GALNT13: variants seen among roughly 807,000 people sequenced by gnomAD.
The protein encoded by GALNT13 is polypeptide N-acetylgalactosaminyltransferase 13, also known as UDP-GalNAc:polypeptide N-acetylgalactosaminyltransferase 13.
In GALNT13, 28 loss-of-function variants were observed where a neutral mutation model predicts 64.2. The ratio of observed to expected loss-of-function variants is 0.44; its 90% CI spans 0.32 to 0.60. The LOEUF (loss-of-function observed/expected upper bound fraction) is 0.60, where lower values mean the gene tolerates loss of function less well. GALNT13 is among the 20% of genes least tolerant of loss of function. GALNT13 has a pLI of 0.05. For missense variants in GALNT13, 577 were observed against 669.8 expected, an observed-to-expected ratio of 0.86 and a Z score of 1.53; for synonymous variants, 214 against 224.6, an observed-to-expected ratio of 0.95 and a Z score of 0.42.
At chr2:153,826,814 C>T in the GALNT13 span, among the ~76,000 whole-genome samples, 3 of 152,134 alleles carry the variant, frequency 2.0e-5, no homozygotes, top group South Asian at 6.2e-4. Context: ...TAACTAGATA[C>T]ACTAATGCAA....
chr2:153,282,287 A>T, the GALNT13 span, among the ~76,000 whole-genome samples: 1 of 151,914 alleles, frequency 6.6e-6, no homozygotes, highest in Non-Finnish European at 1.5e-5. Flanking sequence ...ATTGTTTTAG[A>T]AGTTTCTTTG....
At chr2:153,747,221 A>G in the GALNT13 span, among the ~76,000 whole-genome samples, 1 of 152,042 alleles carries the variant, frequency 6.6e-6, no homozygotes, top group Non-Finnish European at 1.5e-5. Flanking sequence ...CTATCCAATT[A>G]CATTCCTATA....
chr2:154,411,249 C>T (rs1369108405), intron 11 of GALNT13, among the ~76,000 whole-genome samples: 1 of 151,274 alleles, frequency 6.6e-6, no homozygotes, highest in Non-Finnish European at 1.5e-5. Flanking sequence ...ATGTGCTCTA[C>T]AAGATCAATT....
chr2:154,099,622 C>T (rs558305238), intron 3 of GALNT13, among the ~76,000 whole-genome samples: 4 of 151,982 alleles, frequency 2.6e-5, no homozygotes, highest in Non-Finnish European at 5.9e-5. Flanking sequence ...AACTTTTGTT[C>T]TTCTGCATAT....
the GALNT13 span, among the ~76,000 whole-genome samples, chr2:153,239,846 G>C: frequency 0.34 from 51,841 of 151,932 alleles, 8,995 homozygotes; most frequent in Middle Eastern, 0.49. Context: ...CATAGAATGA[G>C]TTTGGAAGTA....
chr2:153,926,511 G>A (rs1690146293), intron 2 of GALNT13, among the ~76,000 whole-genome samples: 1 of 152,094 alleles, frequency 6.6e-6, no homozygotes, highest in Non-Finnish European at 1.5e-5. Context: ...AGAATGTGGA[G>A]TTTTAAAATA....
chr2:153,805,067 G>T, the GALNT13 span, among the ~76,000 whole-genome samples: 1 of 151,642 alleles, frequency 6.6e-6, no homozygotes, highest in East Asian at 1.9e-4. Context: ...TACATAGATT[G>T]ATATATATGA....
the GALNT13 span, among the ~76,000 whole-genome samples, chr2:153,225,301 TA>T: frequency 6.6e-6 from 1 of 152,318 alleles, no homozygotes; most frequent in South Asian, 2.1e-4. Context: ...AAAATTTTTT[TA>T]AAAGCCTCTT....
At chr2:153,611,679 CTTTTT>C in the GALNT13 span, among the ~76,000 whole-genome samples, 102 of 104,388 alleles carry the variant, frequency 9.8e-4, 1 homozygote, top group Non-Finnish European at 6.9e-4. Context: ...ACATTTTTAC[CTTTTT>C]TTTTTTTTTT....
intron 4 of GALNT13, among the ~76,000 whole-genome samples, chr2:154,216,706 T>G (rs1344594747): frequency 3.3e-5 from 5 of 151,772 alleles, no homozygotes; most frequent in Admixed American, 1.3e-4. Context: ...TCTGTCTGCA[T>G]ATAATAATTA....
At chr2:153,466,286 A>C in the GALNT13 span, among the ~76,000 whole-genome samples, 1 of 152,006 alleles carries the variant, frequency 6.6e-6, no homozygotes, top group Non-Finnish European at 1.5e-5. Context: ...GGGTTGTACT[A>C]AATAAATGTA....
chr2:153,854,775 T>C, the GALNT13 span, among the ~76,000 whole-genome samples: 9 of 152,062 alleles, frequency 5.9e-5, no homozygotes, highest in Non-Finnish European at 1.0e-4. Flanking sequence ...ATAAATAAAA[T>C]CAAGCAAATT....
the GALNT13 span, among the ~76,000 whole-genome samples, chr2:153,776,966 C>T: frequency 0.016 from 2,484 of 152,262 alleles, 73 homozygotes; most frequent in East Asian, 0.13. Flanking sequence ...GTGGTTCTAC[C>T]ATTTCTTGTC....
chr2:154,382,142 C>G (rs1698302008), intron 9 of GALNT13, among the ~76,000 whole-genome samples: 1 of 152,028 alleles, frequency 6.6e-6, no homozygotes, highest in African/African-American at 2.4e-5. Flanking sequence ...TCCTGCCTTC[C>G]CCTTCAGCTG....
At chr2:153,251,979 T>C in the GALNT13 span, among the ~76,000 whole-genome samples, 15 of 151,868 alleles carry the variant, frequency 9.9e-5, no homozygotes, top group African/African-American at 3.6e-4. Flanking sequence ...CCTTTGGGTA[T>C]ATACCCAGTA....
chr2:153,628,631 C>T, the GALNT13 span, among the ~76,000 whole-genome samples: 501 of 152,104 alleles, frequency 3.3e-3, 3 homozygotes, highest in Non-Finnish European at 5.7e-3. Flanking sequence ...TGGTTCTGTT[C>T]ATATGCTGGA....
At chr2:153,454,224 A>C in the GALNT13 span, among the ~76,000 whole-genome samples, 1 of 152,110 alleles carries the variant, frequency 6.6e-6, no homozygotes, top group South Asian at 2.1e-4. Context: ...CAGCATCACA[A>C]AATATACCCA....
the GALNT13 span, among the ~76,000 whole-genome samples, chr2:153,760,574 T>C: frequency 6.6e-6 from 1 of 152,136 alleles, no homozygotes; most frequent in Non-Finnish European, 1.5e-5. Flanking sequence ...TGATTTATAA[T>C]TGCATACACT....
At chr2:153,444,346 A>AT in the GALNT13 span, among the ~76,000 whole-genome samples, 1 of 152,188 alleles carries the variant, frequency 6.6e-6, no homozygotes, top group Non-Finnish European at 1.5e-5. Flanking sequence ...CTCAAGAAAT[A>AT]TTTTTTGAGT....
Sources: gnomAD v4.1 joint callset for allele counts (sites outside exome capture counted in the v4.1 genomes callset) on GRCh38, gnomAD v4.1.1 for gene constraint, MANE v1.5 for transcripts, NCBI Gene and HGNC (gene_info 2026-07-23, HGNC 2026-07-21) for gene names.